Variants in PCDH15 observed in about 807,000 individuals in gnomAD.
PCDH15 encodes the protein protocadherin related 15, also known as protocadherin-15.
PCDH15 carries 129 observed loss-of-function variants against 178.5 expected under a neutral mutation model. The observed-to-expected ratio is 0.72, with a 90% confidence interval of 0.63 to 0.84. The LOEUF is 0.84. Among genes scored for constraint, PCDH15 ranks in the 40% least tolerant of loss-of-function variants. The probability of loss-of-function intolerance (pLI) is 0.00; values close to 1 mark genes in which losing one functional copy is unlikely to be tolerated. For synonymous variants in PCDH15, 800 were observed against 732.0 expected (o/e 1.09, Z -1.50); for missense variants, 2,230 against 2,099.9 (o/e 1.06, Z -1.21).
At chr10:54,171,524 T>C (rs1190215537) in intron 13 of PCDH15, among the ~76,000 whole-genome samples, 1 of 150,196 alleles carries the variant, frequency 6.7e-6, no homozygotes, top group Non-Finnish European at 1.5e-5. Flanking sequence ...CATACTCCTA[T>C]TCACCGTTCT....
intron 3 of PCDH15, among the ~76,000 whole-genome samples, chr10:54,439,581 T>C (rs1409911650): frequency 6.6e-6 from 1 of 151,190 alleles, no homozygotes; most frequent in Non-Finnish European, 1.5e-5. Flanking sequence ...TGAAGTTCAT[T>C]TGGAAGCAGT....
chr10:55,518,553 T>A (rs1841076010), intron 2 of PCDH15, among the ~76,000 whole-genome samples: 1 of 151,924 alleles, frequency 6.6e-6, no homozygotes, highest in Non-Finnish European at 1.5e-5. Flanking sequence ...GGAGAGTCTC[T>A]TGGGTAACTT....
intron 1 of PCDH15, among the ~76,000 whole-genome samples, chr10:55,269,794 TG>T (rs1842393773): frequency 1.3e-5 from 2 of 152,136 alleles, no homozygotes; most frequent in Non-Finnish European, 2.9e-5. Flanking sequence ...AAAATTCATC[TG>T]GAACCAAAAA....
chr10:54,029,533 G>T (rs1054838178), intron 18 of PCDH15, among the ~76,000 whole-genome samples: 1 of 152,052 alleles, frequency 6.6e-6, no homozygotes, highest in African/African-American at 2.4e-5. Flanking sequence ...GTCAAATAAA[G>T]ACCTCACTGG....
intron 3 of PCDH15, among the ~76,000 whole-genome samples, chr10:54,821,488 C>T (rs187475681): frequency 3.3e-5 from 5 of 151,986 alleles, no homozygotes; most frequent in African/African-American, 1.2e-4. Context: ...TCATGACAAG[C>T]TACGTTTTTA....
Position 54,886,217 on chromosome 10 carries a change from A to G in PCDH15, c.-29+11233T>C, listed in dbSNP as rs868824956. On this transcript the variant is annotated intron_variant, in intron 3 of 5. Transcript: ENST00000458638. ...CATTTAATTTATAGTTAATAATAGG[A>G]AAATATTTAATCCTCTAAGAGCAGG... 3.0e-4 allele frequency among the ~76,000 whole-genome samples: 44 copies of G among 148,872 alleles called. 1 individual carries two copies. Among genetic ancestry groups the G allele is most frequent in the African/African-American group, 1.0e-3 (40 of 38,384 alleles).
chr10:54,381,048 TTTGTA>T (rs2135097125), intron 3 of PCDH15, among the ~76,000 whole-genome samples: 1 of 151,626 alleles, frequency 6.6e-6, no homozygotes, highest in Admixed American at 6.6e-5. Context: ...GAATTGTCCA[TTTGTA>T]TTGCCAAAAA....
chr10:55,267,235 T>G (rs886901519), intron 1 of PCDH15, among the ~76,000 whole-genome samples: 1 of 152,134 alleles, frequency 6.6e-6, no homozygotes, highest in African/African-American at 2.4e-5. Flanking sequence ...TATACATATA[T>G]CTACTTTTCT....
intron 2 of PCDH15, among the ~76,000 whole-genome samples, chr10:55,080,687 C>T (rs933415964): frequency 1.1e-4 from 16 of 152,126 alleles, no homozygotes; most frequent in Non-Finnish European, 1.8e-4. Context: ...AAGATCATCA[C>T]CCACAGTCCC....
chr10:55,246,604 T>C (rs1841685639), intron 1 of PCDH15, among the ~76,000 whole-genome samples: 1 of 152,192 alleles, frequency 6.6e-6, no homozygotes, highest in Non-Finnish European at 1.5e-5. Context: ...AACTGTATTA[T>C]GTAAGAAAAG....
At chr10:55,235,201 G>C (rs1023501282) in intron 1 of PCDH15, among the ~76,000 whole-genome samples, 1 of 151,842 alleles carries the variant, frequency 6.6e-6, no homozygotes, top group Non-Finnish European at 1.5e-5. Flanking sequence ...TTTATACATG[G>C]GTAAGTCAAA....
intron 2 of PCDH15, among the ~76,000 whole-genome samples, chr10:55,592,084 G>T (rs1338977752): frequency 6.6e-6 from 1 of 152,040 alleles, no homozygotes; most frequent in African/African-American, 2.4e-5. Context: ...GAATTCCCTT[G>T]TCTAGATGCA....
intron 8 of PCDH15, among the ~76,000 whole-genome samples, chr10:54,292,064 A>G (rs1193467075): frequency 6.6e-6 from 1 of 152,198 alleles, no homozygotes; most frequent in African/African-American, 2.4e-5. Flanking sequence ...TTGATGCAAA[A>G]ATCCTCAATA....
At chr10:54,440,220 C>A (rs2075712457) in intron 3 of PCDH15, among the ~76,000 whole-genome samples, 1 of 151,876 alleles carries the variant, frequency 6.6e-6, no homozygotes, top group East Asian at 1.9e-4. Context: ...TTTGTTATCC[C>A]AGTAATAAGT....
At chr10:53,807,154 T>A (rs757855760) in intron 37 of PCDH15, 24 bp from the exon 38 acceptor site, 64 of 1,532,768 alleles carry the variant, frequency 4.2e-5, no homozygotes, top group African/African-American at 6.9e-5. Context: ...CAAAAATATG[T>A]GAGTCACTAT....
At chr10:54,909,722 C>T (rs908064885) in intron 2 of PCDH15, among the ~76,000 whole-genome samples, 5 of 152,090 alleles carry the variant, frequency 3.3e-5, no homozygotes, top group East Asian at 1.9e-4. Flanking sequence ...GTCTGGGTCA[C>T]AGCAGCTGCT....
rs976284970 is a variant in PCDH15, at chr10:54,484,399, C to T, written c.157+43413G>A. Among the ~76,000 whole-genome samples, 8 of 151,852 alleles carry T rather than the reference C, an allele frequency of 5.3e-5. No individual in the cohort carries two copies. The East Asian group carries it at 9.6e-4, about 18-fold the overall frequency. ...CTTTAATACATTCATAATGGAATTCCCCAGTTAGCGTGTTTTCACTTGCCT... is the reference window on the plus strand; with the variant it reads ...CTTTAATACATTCATAATGGAATTCTCCAGTTAGCGTGTTTTCACTTGCCT... On this transcript the variant is annotated intron_variant, in intron 3 of 37. Transcript: ENST00000644397.
chr10:54,614,427 A>G (rs960624834), intron 2 of PCDH15, among the ~76,000 whole-genome samples: 16 of 152,072 alleles, frequency 1.1e-4, no homozygotes, highest in Middle Eastern at 3.2e-3. Flanking sequence ...TGTTGAGGCA[A>G]TATTGCTCAT....
At chr10:54,841,235 T>C (rs965241404) in intron 3 of PCDH15, among the ~76,000 whole-genome samples, 10 of 151,800 alleles carry the variant, frequency 6.6e-5, no homozygotes, top group Non-Finnish European at 1.2e-4. Flanking sequence ...GACCGCATGA[T>C]ATGAAACTAA....
Sources: gnomAD v4.1 joint callset for allele counts (sites outside exome capture counted in the v4.1 genomes callset) on GRCh38, gnomAD v4.1.1 for gene constraint, MANE v1.5 for transcripts, NCBI Gene and HGNC (gene_info 2026-07-23, HGNC 2026-07-21) for gene names.